The following PLPP1 variants were observed in gnomAD, a reference collection of about 807,000 sequenced individuals.
PLPP1 encodes the protein phospholipid phosphatase 1.
In PLPP1, 24 loss-of-function variants were observed where a neutral mutation model predicts 31.2. The ratio of observed to expected loss-of-function variants is 0.77; its 90% CI spans 0.56 to 1.08. The LOEUF (loss-of-function observed/expected upper bound fraction) is 1.08, where lower values mean the gene tolerates loss of function less well. Among genes scored for constraint, PLPP1 ranks in the 50% least tolerant of loss-of-function variants. PLPP1 has a pLI of 0.00. For synonymous variants in PLPP1, 146 were observed against 126.3 expected, an observed-to-expected ratio of 1.16 and a Z score of -1.05; for missense variants, 319 against 342.7, an observed-to-expected ratio of 0.93 and a Z score of 0.55.
intron 3 of PLPP1, among the ~76,000 whole-genome samples, chr5:55,463,937 G>C (rs1362123258): frequency 3.3e-5 from 5 of 151,326 alleles, no homozygotes; most frequent in African/African-American, 1.2e-4. Context: ...TTACAACTCA[G>C]ACAAGCAACT....
chr5:55,451,122 CA>C (rs1276035682), intron 3 of PLPP1, among the ~76,000 whole-genome samples: 3 of 152,088 alleles, frequency 2.0e-5, no homozygotes, highest in African/African-American at 7.2e-5. Context: ...TGACTAGGGT[CA>C]AGAAAGATAA....
In PLPP1 at chr5:55,427,908, C is replaced by A. The variant is rs564095264; in HGVS notation, c.550-1869G>T. On this transcript the variant is annotated intron_variant, in intron 4 of 5. Transcript: ENST00000307259. ...TCAAGCAATCCTCCTGCCTCAGCCT[C>A]CCGAGTAGCTGGGATTACAGGCACT... 2.0e-5 allele frequency among the ~76,000 whole-genome samples: 3 copies of A among 152,110 alleles called. No individual in the cohort carries two copies. In the South Asian group the frequency reaches 6.2e-4, roughly 32 times the overall value.
chr5:55,527,956 G>A (rs1432805286), intron 1 of PLPP1, among the ~76,000 whole-genome samples: 3 of 152,160 alleles, frequency 2.0e-5, no homozygotes, highest in African/African-American at 7.2e-5. Flanking sequence ...CAAAAAGGAA[G>A]GGCTCAGTTG....
At chr5:55,456,003 T>A (rs76248835) in intron 3 of PLPP1, among the ~76,000 whole-genome samples, 1 of 134,704 alleles carries the variant, frequency 7.4e-6, no homozygotes, top group Admixed American at 8.3e-5. Context: ...GCTCATTAGC[T>A]TTTTTTTTCC....
intron 3 of PLPP1, among the ~76,000 whole-genome samples, chr5:55,445,529 T>C (rs1751741254): frequency 7.3e-6 from 1 of 136,132 alleles, no homozygotes; most frequent in African/African-American, 2.7e-5. Flanking sequence ...TTATTTTGCA[T>C]TCACTCTTTT....
At chr5:55,436,025 A>G (rs1170424634) in intron 4 of PLPP1, among the ~76,000 whole-genome samples, 1 of 151,982 alleles carries the variant, frequency 6.6e-6, no homozygotes, top group Non-Finnish European at 1.5e-5. Context: ...GAGAAAAAAA[A>G]AAAAAAAAAA....
intron 1 of PLPP1, among the ~76,000 whole-genome samples, chr5:55,485,981 T>C (rs745380840): frequency 1.3e-5 from 2 of 152,158 alleles, no homozygotes; most frequent in Non-Finnish European, 1.5e-5. Context: ...TCCAGTATAA[T>C]TTATAGGTTC....
At chr5:55,450,650 A>G (rs541977313) in intron 3 of PLPP1, among the ~76,000 whole-genome samples, 4 of 152,180 alleles carry the variant, frequency 2.6e-5, no homozygotes, top group South Asian at 2.1e-4. Context: ...AGGAAAGATC[A>G]TAAGTTTCCT....
chr5:55,457,846 G>A (rs905899240), intron 3 of PLPP1, among the ~76,000 whole-genome samples: 13 of 148,464 alleles, frequency 8.8e-5, no homozygotes, highest in African/African-American at 1.0e-4. Context: ...CCAAGATCAC[G>A]CCACTGCACT....
intron 1 of PLPP1, among the ~76,000 whole-genome samples, chr5:55,503,621 A>T (rs1007016029): frequency 4.0e-5 from 6 of 151,332 alleles, no homozygotes; most frequent in Non-Finnish European, 4.4e-5. Context: ...GCTAAAAAAA[A>T]ATACAAAAAT....
intron 1 of PLPP1, among the ~76,000 whole-genome samples, chr5:55,480,517 T>C (rs1752647770): frequency 1.3e-5 from 2 of 152,114 alleles, no homozygotes; most frequent in Non-Finnish European, 2.9e-5. Flanking sequence ...TTGCCTTTTC[T>C]AGACATTTCA....
chr5:55,496,810 A>G (rs1490534106), intron 1 of PLPP1, among the ~76,000 whole-genome samples: 1 of 152,194 alleles, frequency 6.6e-6, no homozygotes, highest in Non-Finnish European at 1.5e-5. Flanking sequence ...ATTCTCCTCA[A>G]TTCAGTGATA....
intron 1 of PLPP1, among the ~76,000 whole-genome samples, chr5:55,477,989 A>AAAAG (rs572683490): frequency 2.2e-4 from 33 of 151,802 alleles, no homozygotes; most frequent in African/African-American, 3.6e-4. Flanking sequence ...TAAAAAAAAA[A>AAAAG]AAAGAAAGAA....
chr5:55,463,704 T>C (rs948394529), intron 3 of PLPP1, among the ~76,000 whole-genome samples: 3 of 151,278 alleles, frequency 2.0e-5, no homozygotes, highest in African/African-American at 4.9e-5. Flanking sequence ...ACTTTGACTT[T>C]GGAAGGCCGA....
Position 55,427,402 on chromosome 5 carries a change from CT to C in PLPP1, c.550-1364del, listed in dbSNP as rs1751231232. 3.9e-5 allele frequency among the ~76,000 whole-genome samples: 6 copies of C among 152,320 alleles called. No individual in the cohort carries two copies. In the South Asian group the frequency reaches 1.2e-3, roughly 32 times the overall value. Reference sequence around the variant, plus strand: ...CTAAAAGAGCACACCAGCTGTTTAACTGAGTCTGACTCATCAGCAAGTTTAA... The same window carrying C: ...CTAAAAGAGCACACCAGCTGTTTAACGAGTCTGACTCATCAGCAAGTTTAA... On this transcript the variant is annotated intron_variant, in intron 4 of 5. Transcript: ENST00000307259.
At chr5:55,499,615 T>C (rs952061859) in intron 1 of PLPP1, among the ~76,000 whole-genome samples, 1 of 152,118 alleles carries the variant, frequency 6.6e-6, no homozygotes, top group African/African-American at 2.4e-5. Context: ...ATTCATAACA[T>C]TGTTGTTCAT....
At chr5:55,532,753 T>C (rs1365886028) in intron 1 of PLPP1, among the ~76,000 whole-genome samples, 1 of 151,948 alleles carries the variant, frequency 6.6e-6, no homozygotes, top group Non-Finnish European at 1.5e-5. Context: ...GGTCAAGAGT[T>C]CAAGGCCAGC....
At chr5:55,451,096 AAAT>A (rs1751882537) in intron 3 of PLPP1, among the ~76,000 whole-genome samples, 1 of 152,158 alleles carries the variant, frequency 6.6e-6, no homozygotes, top group African/African-American at 2.4e-5. Flanking sequence ...GCAGATAATG[AAAT>A]CATCACTCTT....
intron 3 of PLPP1, among the ~76,000 whole-genome samples, chr5:55,459,766 T>A (rs1752110566): frequency 6.6e-6 from 1 of 152,134 alleles, no homozygotes; most frequent in Non-Finnish European, 1.5e-5. Context: ...ACATGCAGAT[T>A]TTCTTCAATA....
Sources: allele counts gnomAD v4.1 joint callset (sites outside exome capture counted in the v4.1 genomes callset), GRCh38; gene constraint gnomAD v4.1.1; transcripts MANE v1.5; gene names NCBI Gene and HGNC (gene_info 2026-07-23, HGNC 2026-07-21).